CBLB: variants seen among roughly 807,000 people sequenced by gnomAD.
CBLB encodes the protein E3 ubiquitin-protein ligase CBL-B.
Under a neutral mutation model 104.9 loss-of-function variants are expected in CBLB, and 31 were observed. The observed-to-expected ratio is 0.30, with a 90% CI of 0.22 to 0.40. The LOEUF (loss-of-function observed/expected upper bound fraction) is 0.40. Among genes scored for constraint, CBLB ranks in the 10% least tolerant of loss-of-function variants. CBLB has a pLI of 1.00. For synonymous variants in CBLB, 440 were observed against 422.6 expected (o/e 1.04, Z -0.51); for missense variants, 1,062 against 1,214.6 (o/e 0.87, Z 1.87).
intron 4 of CBLB, among the ~76,000 whole-genome samples, chr3:105,754,872 T>C (rs1299681427): frequency 1.3e-5 from 2 of 152,228 alleles, no homozygotes; most frequent in Non-Finnish European, 2.9e-5. Context: ...GTTAAAGTGA[T>C]AGTTCTGTTC....
At chr3:105,856,348 C>CAA (rs1169479720) in intron 2 of CBLB, among the ~76,000 whole-genome samples, 7 of 31,036 alleles carry the variant, frequency 2.3e-4, no homozygotes, top group Non-Finnish European at 2.7e-4. Context: ...GACTCCATCT[C>CAA]AAAAAAAAAA....
rs374942957 is a variant in CBLB, at chr3:105,775,362, A to AAAAAAC, written c.566+1028_566+1033dup. Among the ~76,000 whole-genome samples the AAAAAAC allele has an allele frequency of 6.4e-3, 969 of 150,244 alleles. 12 individuals carry two copies. Among genetic ancestry groups the AAAAAAC allele is most frequent in the African/African-American group, 0.023 (928 of 41,224 alleles). On this transcript the variant is annotated intron_variant, in intron 4 of 18. Coordinates refer to ENST00000394030, the MANE Select transcript of CBLB (RefSeq NM_170662.5). Reference sequence around the variant, plus strand: ...TAGTAAACTATAGTACTTTGTAAAGAAAAAACAAAAACAAAAACAAAAACA... The same window carrying AAAAAAC: ...TAGTAAACTATAGTACTTTGTAAAGAAAAAACAAAAACAAAAACAAAAACAAAAACA...
intron 18 of CBLB, among the ~76,000 whole-genome samples, chr3:105,665,436 TATATATACAC>T (rs1360671815): frequency 0.037 from 3,718 of 101,568 alleles, 90 homozygotes; most frequent in East Asian, 0.18. Flanking sequence ...TATATATATA[TATATATACAC>T]ACACACACAC....
chr3:105,851,277 T>C (rs972959557), intron 3 of CBLB, among the ~76,000 whole-genome samples: 6 of 151,982 alleles, frequency 3.9e-5, no homozygotes, highest in African/African-American at 1.5e-4. Flanking sequence ...CAGAAGCCAA[T>C]CTGAAAAAGT....
intron 4 of CBLB, among the ~76,000 whole-genome samples, chr3:105,754,010 TG>T (rs1036698553): frequency 6.6e-6 from 1 of 152,124 alleles, no homozygotes; most frequent in African/African-American, 2.4e-5. Context: ...TCTTAATTAG[TG>T]GTAGTAATAG....
chr3:105,672,823 TAAAA>T (rs1028722733), intron 17 of CBLB: 11 of 151,962 alleles, frequency 7.2e-5, no homozygotes, highest in Non-Finnish European at 1.6e-4. Context: ...GTTTGCTACT[TAAAA>T]AAGAAATGAG....
intron 3 of CBLB, among the ~76,000 whole-genome samples, chr3:105,846,179 A>G (rs2090224329): frequency 6.6e-6 from 1 of 152,008 alleles, no homozygotes; most frequent in Non-Finnish European, 1.5e-5. Flanking sequence ...GCCTATTTTG[A>G]TTTATTTAGA....
chr3:105,662,102 G>C (rs1275727064), intron 18 of CBLB, among the ~76,000 whole-genome samples: 1 of 152,196 alleles, frequency 6.6e-6, no homozygotes, highest in Admixed American at 6.5e-5. Flanking sequence ...CTGTTAAAAA[G>C]TGGGGAGGAG....
intron 4 of CBLB, chr3:105,762,058 G>C (rs1457262993): frequency 2.0e-5 from 3 of 152,306 alleles, no homozygotes; most frequent in African/African-American, 7.2e-5. Flanking sequence ...ACTTCAGAGA[G>C]ATAATTTAGG....
At chr3:105,787,857 T>C (rs1028672039) in intron 3 of CBLB, among the ~76,000 whole-genome samples, 2 of 152,148 alleles carry the variant, frequency 1.3e-5, no homozygotes, top group African/African-American at 4.8e-5. Flanking sequence ...ATGAATAACA[T>C]GGCCCTCAAA....
intron 3 of CBLB, among the ~76,000 whole-genome samples, chr3:105,777,222 T>C (rs2079585600): frequency 6.6e-6 from 1 of 152,258 alleles, no homozygotes; most frequent in Non-Finnish European, 1.5e-5. Context: ...TTGTTATACA[T>C]GCTTGCCACT....
At chr3:105,801,133 G>C (rs1031590833) in intron 3 of CBLB, among the ~76,000 whole-genome samples, 6 of 152,040 alleles carry the variant, frequency 3.9e-5, no homozygotes, top group African/African-American at 1.2e-4. Context: ...TTTTAGAGAG[G>C]ATTTACCCTT....
chr3:105,669,309 C>G (rs1203966392), intron 18 of CBLB, among the ~76,000 whole-genome samples: 2 of 152,146 alleles, frequency 1.3e-5, no homozygotes, highest in African/African-American at 4.8e-5. Flanking sequence ...GGATTAGTTT[C>G]CTTATGAAAC....
chr3:105,702,425 G>T lies in CBLB; in HGVS notation c.1628C>A (p.Pro543Gln), dbSNP rs1425619029. ...SPCMVRKQDK[P>Q]LPAPPPPLRD... The stretch of plus-strand genomic sequence containing the variant: ...TAAGGGAGGAGGTGGTGCTGGGAGT[G>T]GTTTATCTTGTTTTCTCACCATGCA... The change falls in exon 12 of 19, where the codon CCA (proline) becomes CAA (glutamine). Residue 543 changes from proline to glutamine, a missense_variant. Physicochemically the swap from Pro to Gln is moderately conservative, Grantham distance 76. Around this residue, in one of 2 missense-constraint regions of CBLB, gnomAD observed 605 missense variants for 582.6 expected, o/e 1.04. Transcript: ENST00000394030. 3.7e-6 allele frequency: 5 copies of T among 1,338,642 alleles called. No homozygotes were observed. The highest frequency in any genetic ancestry group is 5.0e-6 in the Non-Finnish European group (5 of 997,862). 82.9% of individuals were successfully genotyped at this position (1,338,642 alleles called of 1,614,324 possible).
At chr3:105,849,980 A>C (rs2090745099) in intron 3 of CBLB, among the ~76,000 whole-genome samples, 1 of 152,138 alleles carries the variant, frequency 6.6e-6, no homozygotes, top group East Asian at 1.9e-4. Context: ...CAATCACTAT[A>C]ATATTTCTCT....
intron 3 of CBLB, among the ~76,000 whole-genome samples, chr3:105,792,890 A>C (rs996817236): frequency 3.3e-5 from 5 of 152,208 alleles, no homozygotes; most frequent in African/African-American, 1.2e-4. Flanking sequence ...TCAGGAAAGG[A>C]GGAAACAAAT....
In CBLB at chr3:105,728,945, T is replaced by C. The variant is rs56696279; in HGVS notation, c.1203+5064A>G. On this transcript the variant is annotated intron_variant, in intron 9 of 18. Coordinates refer to ENST00000394030, the MANE Select transcript of CBLB (RefSeq NM_170662.5). ...GTTAATTACATAAAATTTAAGTCTCTAATGAATTTCAATTAAACCAAAGTA... is the reference window on the plus strand; with the variant it reads ...GTTAATTACATAAAATTTAAGTCTCCAATGAATTTCAATTAAACCAAAGTA... Among the ~76,000 whole-genome samples, 591 of 152,284 alleles carry C rather than the reference T, an allele frequency of 3.9e-3. 4 individuals carry two copies. Among genetic ancestry groups the C allele is most frequent in the African/African-American group, 0.014 (563 of 41,574 alleles).
chr3:105,722,568 A>AATTTTAGTGCAATT (rs11276533), intron 9 of CBLB, among the ~76,000 whole-genome samples: 1 of 152,160 alleles, frequency 6.6e-6, no homozygotes, highest in African/African-American at 2.4e-5. Flanking sequence ...TTAAAGACCT[A>AATTTTAGTGCAATT]ATCGTAACTA....
chr3:105,868,416 AG>A (rs773693565), intron 1 of CBLB: 19 of 397,450 alleles, frequency 4.8e-5, no homozygotes, highest in East Asian at 4.7e-4. Context: ...GTGGACTGGG[AG>A]GGGACAAAGT....
Sources: gnomAD v4.1 joint callset for allele counts (sites outside exome capture counted in the v4.1 genomes callset) on GRCh38, gnomAD v4.1.1 for gene constraint, gnomAD v4.1.1 regional missense constraint, MANE v1.5 for transcripts, NCBI Gene and HGNC (gene_info 2026-07-23, HGNC 2026-07-21) for gene names.